The following IKZF3 variants were observed in gnomAD, a reference collection of about 807,000 sequenced individuals.
The protein encoded by IKZF3 is zinc finger protein Aiolos.
A neutral mutation model predicts 49.0 loss-of-function variants in IKZF3; 10 were observed. The observed-to-expected ratio is 0.20, with a 90% CI of 0.13 to 0.35. The LOEUF (loss-of-function observed/expected upper bound fraction) is 0.35. Among genes scored for constraint, IKZF3 ranks in the 10% least tolerant of loss-of-function variants. The pLI is 1.00. For missense variants in IKZF3, 498 were observed against 664.8 expected (o/e 0.75, Z 2.76); for synonymous variants, 209 against 228.2 (o/e 0.92, Z 0.76).
intron 3 of IKZF3, among the ~76,000 whole-genome samples, chr17:39,794,645 T>G (rs1322417482): frequency 6.6e-6 from 1 of 152,256 alleles, no homozygotes; most frequent in Admixed American, 6.5e-5. Flanking sequence ...GATGTAGGGC[T>G]GTAGGATAAG....
intron 3 of IKZF3, among the ~76,000 whole-genome samples, chr17:39,807,544 A>ATTTTTTTTT (rs890371023): frequency 2.1e-4 from 17 of 80,784 alleles, no homozygotes; most frequent in Admixed American, 3.5e-4. Flanking sequence ...GACTATTTAA[A>ATTTTTTTTT]TTTTTTTTTT....
intron 1 of IKZF3, among the ~76,000 whole-genome samples, chr17:39,843,438 GA>G (rs34135674): frequency 0.062 from 8,993 of 143,990 alleles, 409 homozygotes; most frequent in African/African-American, 0.13. Context: ...TTAACGGAGG[GA>G]AAAAAAAAAA....
chr17:39,798,554 G>A (rs1371294061), intron 3 of IKZF3, among the ~76,000 whole-genome samples: 1 of 148,678 alleles, frequency 6.7e-6, no homozygotes, highest in African/African-American at 2.5e-5. Flanking sequence ...CTCTCAGGCT[G>A]GAGTGCAGTG....
chr17:39,782,951 T>G (rs1183548361), intron 6 of IKZF3, among the ~76,000 whole-genome samples: 1 of 152,246 alleles, frequency 6.6e-6, no homozygotes, highest in Non-Finnish European at 1.5e-5. Flanking sequence ...ATTTACAGAT[T>G]AGGTTACTAC....
At chr17:39,781,590 GT>G (rs2060742503) in intron 6 of IKZF3, among the ~76,000 whole-genome samples, 1 of 152,110 alleles carries the variant, frequency 6.6e-6, no homozygotes, top group African/African-American at 2.4e-5. Context: ...TACCCATCTA[GT>G]TTTCCCATTT....
At chr17:39,850,617 A>G (rs1370342846) in intron 1 of IKZF3, among the ~76,000 whole-genome samples, 9 of 134,872 alleles carry the variant, frequency 6.7e-5, no homozygotes, top group African/African-American at 2.5e-4. Context: ...CCTATTATAT[A>G]TGTATATATA....
At chr17:39,818,437 T>C (rs1176080307) in intron 3 of IKZF3, among the ~76,000 whole-genome samples, 1 of 152,228 alleles carries the variant, frequency 6.6e-6, no homozygotes, top group African/African-American at 2.4e-5. Flanking sequence ...TGTACTGAAC[T>C]CACCTATTTT....
intron 3 of IKZF3, among the ~76,000 whole-genome samples, chr17:39,802,001 C>T (rs1021858390): frequency 3.3e-5 from 5 of 151,548 alleles, no homozygotes; most frequent in Non-Finnish European, 5.9e-5. Flanking sequence ...CTGAGGCAGG[C>T]GGATCACGAG....
intron 1 of IKZF3, among the ~76,000 whole-genome samples, chr17:39,840,617 A>T (rs2062437779): frequency 1.3e-5 from 2 of 152,310 alleles, no homozygotes; most frequent in African/African-American, 4.8e-5. Context: ...TTTTTAGTTT[A>T]AAAAATACAG....
chr17:39,850,939 G>C (rs1166549948), intron 1 of IKZF3, among the ~76,000 whole-genome samples: 3 of 122,810 alleles, frequency 2.4e-5, no homozygotes, highest in East Asian at 4.2e-4. Flanking sequence ...ATATATACGT[G>C]TATATATTAT....
At chr17:39,799,351 C>A (rs1325749976) in intron 3 of IKZF3, among the ~76,000 whole-genome samples, 3 of 152,136 alleles carry the variant, frequency 2.0e-5, no homozygotes, top group African/African-American at 7.2e-5. Context: ...AATAATCATG[C>A]TGTAGCAAAG....
At chr17:39,844,865 G>A (rs993243701) in intron 1 of IKZF3, among the ~76,000 whole-genome samples, 3 of 151,922 alleles carry the variant, frequency 2.0e-5, no homozygotes, top group Admixed American at 6.6e-5. Context: ...CAGGTAATCC[G>A]CCTGCCTCAG....
rs535282655 is a variant in IKZF3 at position 39,833,907 on chromosome 17, C to T, written c.8-1756G>A. ...ATATATATTCATACATTATTACTATCTAAGTATTCAGATTTCCTTAGTTTT... is the reference window on the plus strand; with the variant it reads ...ATATATATTCATACATTATTACTATTTAAGTATTCAGATTTCCTTAGTTTT... On this transcript the variant is annotated intron_variant, in intron 1 of 7. Coordinates refer to ENST00000346872, the MANE Select transcript of IKZF3 (RefSeq NM_012481.5). Among the ~76,000 whole-genome samples, 14 of 152,118 alleles carry T rather than the reference C, an allele frequency of 9.2e-5. No individual in the cohort carries two copies. In the East Asian group the frequency reaches 2.3e-3, roughly 25 times the overall value.
At position 39,765,558 on chromosome 17, in the gene IKZF3, A is replaced by G. The variant is rs1165672332; in HGVS notation, c.*232T>C. 1 of 469,206 alleles carries G rather than the reference A, an allele frequency of 2.1e-6. No individual in the cohort carries two copies. Among genetic ancestry groups the G allele is most frequent in the East Asian group, 3.3e-5 (1 of 30,460 alleles). The allele number at this position is 469,206 out of a possible 1,614,324, so 29.1% of individuals were successfully genotyped here. A position where few individuals can be genotyped will look rare whatever the true frequency, so the allele number is the denominator to read the frequency against. On this transcript the variant is annotated 3_prime_UTR_variant, in exon 8 of 8. Coordinates refer to ENST00000346872, the MANE Select transcript of IKZF3 (RefSeq NM_012481.5). Reference sequence around the variant, plus strand: ...CTTTTTGGCTTTTAAATTCCATAAAATTCAAGTCCCTGATGGGAAAACAAA... The same window carrying G: ...CTTTTTGGCTTTTAAATTCCATAAAGTTCAAGTCCCTGATGGGAAAACAAA...
At position 39,788,331 on chromosome 17, in the gene IKZF3, C is replaced by T. The variant is rs373907871; in HGVS notation, c.636G>A (p.Lys212=). The T allele has an allele frequency of 5.2e-5, 84 of 1,613,716 alleles. No individual in the cohort carries two copies. Among genetic ancestry groups the T allele is most frequent in the Non-Finnish European group, 6.6e-5 (78 of 1,179,866 alleles). Residue 212 remains lysine (K), a synonymous_variant, in exon 6 of 8, where the codon AAG becomes AAA. Transcript: ENST00000346872. The part of the protein sequence containing the change: ...YKCEFCGRSY[K]QRSSLEEHKE... ...TGTGCTCCTCAAGGGAACTTCTCTGCTTGTAACTCCTTCCACAAAACTCAC... is the reference window on the plus strand; with the variant it reads ...TGTGCTCCTCAAGGGAACTTCTCTGTTTGTAACTCCTTCCACAAAACTCAC...
chr17:39,859,103 C>T (rs1042072169), intron 1 of IKZF3, among the ~76,000 whole-genome samples: 3 of 151,752 alleles, frequency 2.0e-5, no homozygotes, highest in African/African-American at 7.3e-5. Flanking sequence ...GCCACTGTGC[C>T]CAGCCCTTAA....
intron 1 of IKZF3, among the ~76,000 whole-genome samples, chr17:39,852,007 C>A (rs28673180): frequency 1.3e-5 from 2 of 152,102 alleles, no homozygotes; most frequent in Non-Finnish European, 2.9e-5. Flanking sequence ...TTAAAACTCA[C>A]GTGGTACAGA....
At chr17:39,769,162 A>G (rs1165744306) in intron 7 of IKZF3, among the ~76,000 whole-genome samples, 1 of 152,220 alleles carries the variant, frequency 6.6e-6, no homozygotes, top group Non-Finnish European at 1.5e-5. Flanking sequence ...AAGATAATGC[A>G]TGGTAGGACC....
rs1353170658 is a variant in IKZF3 at position 39,760,155 on chromosome 17, TTC to T, written c.*5633_*5634del. 2 of 121,258 alleles carry T rather than the reference TTC, an allele frequency of 1.6e-5. No individual in the cohort carries two copies. The highest frequency in any genetic ancestry group is 3.6e-5 in the Non-Finnish European group (2 of 54,988). 7.5% of individuals were successfully genotyped at this position (121,258 alleles called of 1,614,324 possible). On this transcript the variant is annotated 3_prime_UTR_variant, in exon 8 of 8. Transcript: ENST00000346872. ...CAGTACTATTTTTTTCCTTAAAACA[TTC>T]TTTTTTTTTTTTTTTTTGAGATGGA...
Sources: allele counts gnomAD v4.1 joint callset (sites outside exome capture counted in the v4.1 genomes callset), GRCh38; gene constraint gnomAD v4.1.1; transcripts MANE v1.5; gene names NCBI Gene and HGNC (gene_info 2026-07-23, HGNC 2026-07-21).